PCDH15: variants seen among roughly 807,000 people sequenced by gnomAD.
The protein encoded by PCDH15 is protocadherin related 15.
A neutral mutation model predicts 178.5 loss-of-function variants in PCDH15; 129 were observed. That is an observed-to-expected ratio of 0.72 (90% CI 0.63 to 0.84). PCDH15 has a LOEUF of 0.84. PCDH15 is among the 40% of genes least tolerant of loss of function. The probability of loss-of-function intolerance (pLI) is 0.00; values close to 1 mark genes in which losing one functional copy is unlikely to be tolerated. For missense variants in PCDH15, 2,230 were observed against 2,099.9 expected, an observed-to-expected ratio of 1.06 and a Z score of -1.21; for synonymous variants, 800 against 732.0, an observed-to-expected ratio of 1.09 and a Z score of -1.50.
chr10:54,884,056 T>C (rs988815576), intron 3 of PCDH15, among the ~76,000 whole-genome samples: 2 of 152,026 alleles, frequency 1.3e-5, no homozygotes, highest in Non-Finnish European at 2.9e-5. Flanking sequence ...AGTGAGGTAA[T>C]ATCATGAGAT....
chr10:54,238,528 A>G (rs1209545398), intron 8 of PCDH15, among the ~76,000 whole-genome samples: 2 of 151,926 alleles, frequency 1.3e-5, no homozygotes, highest in African/African-American at 2.4e-5. Flanking sequence ...ACTTACTAAT[A>G]CTCTATTCTC....
chr10:54,359,329 A>G (rs115824954), intron 5 of PCDH15, among the ~76,000 whole-genome samples: 2,916 of 150,464 alleles, frequency 0.019, 108 homozygotes, highest in African/African-American at 0.068. Context: ...TAATGTACCA[A>G]TGTTGGTTTA....
chr10:55,121,203 T>G (rs1380687019), intron 2 of PCDH15, among the ~76,000 whole-genome samples: 1 of 152,190 alleles, frequency 6.6e-6, no homozygotes, highest in Admixed American at 6.5e-5. Context: ...AAGTTTATTT[T>G]CAAACCTTAA....
At chr10:54,690,538 C>T (rs1237204830) in intron 1 of PCDH15, among the ~76,000 whole-genome samples, 5 of 152,054 alleles carry the variant, frequency 3.3e-5, no homozygotes, top group Non-Finnish European at 5.9e-5. Context: ...TTGTCTCGAT[C>T]TCCTGACCTT....
At chr10:54,999,306 A>T (rs866819179) in intron 2 of PCDH15, among the ~76,000 whole-genome samples, 40 of 151,548 alleles carry the variant, frequency 2.6e-4, no homozygotes, top group African/African-American at 5.3e-4. Flanking sequence ...AATAAAGAAA[A>T]TTTTTTTTTT....
At chr10:55,124,646 T>C (rs1048587006) in intron 2 of PCDH15, among the ~76,000 whole-genome samples, 3 of 152,092 alleles carry the variant, frequency 2.0e-5, no homozygotes, top group African/African-American at 7.2e-5. Flanking sequence ...TCTATCACAT[T>C]TAAGGTGAAA....
At chr10:54,615,532 G>A (rs1213252484) in intron 2 of PCDH15, among the ~76,000 whole-genome samples, 3 of 152,034 alleles carry the variant, frequency 2.0e-5, no homozygotes, top group African/African-American at 7.2e-5. Flanking sequence ...ATTAATCAAT[G>A]AAATACATAT....
chr10:54,035,522 T>C (rs764990704), intron 18 of PCDH15, among the ~76,000 whole-genome samples: 1 of 151,918 alleles, frequency 6.6e-6, no homozygotes, highest in Non-Finnish European at 1.5e-5. Context: ...ATTTAATTAA[T>C]AAAGGTTCTA....
intron 2 of PCDH15, among the ~76,000 whole-genome samples, chr10:54,940,492 T>C (rs1838034179): frequency 6.6e-6 from 1 of 152,154 alleles, no homozygotes. Context: ...AAAGAAAGTA[T>C]ATAGTGCTGT....
chr10:54,263,277 G>T lies in PCDH15; in HGVS notation c.877-26346C>A, dbSNP rs535291333. On this transcript the variant is annotated intron_variant, in intron 8 of 37. Coordinates refer to ENST00000644397, the MANE Select transcript of PCDH15 (RefSeq NM_001384140.1). ...TCCTGAGGGAAGGGGAGTGCAGCCT[G>T]CCAAAGCACACCATGAGATAAAGAA... Among the ~76,000 whole-genome samples the T allele has an allele frequency of 2.8e-4, 42 of 152,184 alleles. No homozygotes were observed. The South Asian group carries it at 8.7e-3, about 32-fold the overall frequency.
At chr10:54,189,426 AT>A in intron 11 of PCDH15, 1 of 1,425,134 alleles carries the variant, frequency 7.0e-7, no homozygotes, top group South Asian at 1.5e-5. Context: ...GTAAATGTAA[AT>A]GATCACAACC....
chr10:54,388,670 G>A (rs1051657032), intron 3 of PCDH15, among the ~76,000 whole-genome samples: 8 of 152,134 alleles, frequency 5.3e-5, no homozygotes, highest in African/African-American at 1.7e-4. Context: ...GCTGTGGTGT[G>A]AGCTCTTTGC....
intron 3 of PCDH15, among the ~76,000 whole-genome samples, chr10:54,836,356 G>C (rs574797070): frequency 6.6e-6 from 1 of 152,052 alleles, no homozygotes; most frequent in East Asian, 1.9e-4. Flanking sequence ...ATAAAATCTC[G>C]ATCTTGTTAC....
chr10:53,855,139 T>C (rs187762457), intron 28 of PCDH15, among the ~76,000 whole-genome samples: 130 of 152,168 alleles, frequency 8.5e-4, no homozygotes, highest in Middle Eastern at 3.4e-3. Context: ...ACTGGAGTTA[T>C]AGAAATAAAA....
intron 2 of PCDH15, among the ~76,000 whole-genome samples, chr10:55,131,622 T>G (rs1838047290): frequency 6.6e-6 from 1 of 152,022 alleles, no homozygotes; most frequent in African/African-American, 2.4e-5. Flanking sequence ...TCATTACAGC[T>G]CTTAAGAGAC....
chr10:53,967,253 T>A (rs2610905), intron 21 of PCDH15, among the ~76,000 whole-genome samples: 1 of 151,890 alleles, frequency 6.6e-6, no homozygotes, highest in African/African-American at 2.4e-5. Context: ...AAGAAGGATG[T>A]GTTTGCTTCC....
At chr10:54,582,453 A>T (rs1032728844) in intron 2 of PCDH15, among the ~76,000 whole-genome samples, 1 of 152,170 alleles carries the variant, frequency 6.6e-6, no homozygotes, top group Non-Finnish European at 1.5e-5. Context: ...TGGTCAGGTT[A>T]TAATCAAGAC....
At chr10:53,951,048 A>G (rs1041588893) in intron 23 of PCDH15, among the ~76,000 whole-genome samples, 1 of 152,196 alleles carries the variant, frequency 6.6e-6, no homozygotes, top group African/African-American at 2.4e-5. Flanking sequence ...AAGTATTGAA[A>G]TGATTATTAG....
intron 2 of PCDH15, among the ~76,000 whole-genome samples, chr10:55,422,233 A>G (rs1255664691): frequency 6.6e-6 from 1 of 151,880 alleles, no homozygotes. Flanking sequence ...TTCATTTGAT[A>G]AGAAATGCCT....
Sources: allele counts gnomAD v4.1 joint callset (sites outside exome capture counted in the v4.1 genomes callset), GRCh38; gene constraint gnomAD v4.1.1; transcripts MANE v1.5; gene names NCBI Gene and HGNC (gene_info 2026-07-23, HGNC 2026-07-21).